The following SGCZ variants were observed in gnomAD, a reference collection of about 807,000 sequenced individuals.
The protein encoded by SGCZ is sarcoglycan zeta.
A neutral mutation model predicts 41.3 loss-of-function variants in SGCZ; 40 were observed. The observed-to-expected ratio is 0.97, with a 90% CI of 0.75 to 1.26. The LOEUF (loss-of-function observed/expected upper bound fraction) is 1.26, where lower values mean the gene tolerates loss of function less well. Among genes scored for constraint, SGCZ ranks in the 50% most tolerant of loss-of-function variants. The probability of loss-of-function intolerance (pLI) is 0.00; values close to 1 mark genes in which losing one functional copy is unlikely to be tolerated. For missense variants in SGCZ, 552 were observed against 369.8 expected (o/e 1.49, Z -4.04); for synonymous variants, 206 against 137.5 (o/e 1.50, Z -3.49).
At chr8:14,860,566 G>GA (rs1803696102) in intron 1 of SGCZ, among the ~76,000 whole-genome samples, 1 of 133,486 alleles carries the variant, frequency 7.5e-6, no homozygotes, top group Admixed American at 7.6e-5. Context: ...GGAAAGGAAA[G>GA]AAAGAAAAGA....
In SGCZ at chr8:14,576,391, G is replaced by C. The variant is rs183610334; in HGVS notation, c.40-21465C>G. Reference sequence around the variant, plus strand: ...TTTAGAATCAGTCCAGGAAGAAATGGGGGGACCCAGGTTCTGAATAACAAG... The same window carrying C: ...TTTAGAATCAGTCCAGGAAGAAATGCGGGGACCCAGGTTCTGAATAACAAG... On this transcript the variant is annotated intron_variant, in intron 1 of 7. Coordinates refer to ENST00000382080, the MANE Select transcript of SGCZ (RefSeq NM_139167.4). 1.8e-3 allele frequency among the ~76,000 whole-genome samples: 273 copies of C among 152,290 alleles called. 1 individual carries two copies. The highest frequency in any genetic ancestry group is 6.8e-3 in the East Asian group (35 of 5,180).
intron 1 of SGCZ, among the ~76,000 whole-genome samples, chr8:14,922,632 G>A (rs1205132785): frequency 6.6e-6 from 1 of 151,970 alleles, no homozygotes. Flanking sequence ...ACTTCACCTT[G>A]AGAATCATGA....
intron 4 of SGCZ, among the ~76,000 whole-genome samples, chr8:14,179,482 C>T (rs1318917866): frequency 6.6e-6 from 1 of 152,188 alleles, no homozygotes; most frequent in Non-Finnish European, 1.5e-5. Flanking sequence ...TCCCCACTGT[C>T]TGTCACAGTC....
intron 1 of SGCZ, among the ~76,000 whole-genome samples, chr8:14,737,089 A>G (rs1448866738): frequency 6.9e-6 from 1 of 144,356 alleles, no homozygotes. Context: ...TATATAAGAT[A>G]TATATCTATA....
chr8:14,566,311 G>A (rs1804357316), intron 1 of SGCZ, among the ~76,000 whole-genome samples: 2 of 152,208 alleles, frequency 1.3e-5, no homozygotes, highest in South Asian at 4.1e-4. Context: ...GACAGGAAAT[G>A]GGAAGGAGTA....
Position 14,448,076 on chromosome 8 carries a change from G to T in SGCZ, c.234+106656C>A, listed in dbSNP as rs893429751. Among the ~76,000 whole-genome samples, 28 of 152,232 alleles carry T rather than the reference G, an allele frequency of 1.8e-4. 1 individual carries two copies. The highest frequency in any genetic ancestry group is 6.5e-4 in the African/African-American group (27 of 41,548). On this transcript the variant is annotated intron_variant, in intron 2 of 7. Coordinates refer to ENST00000382080, the MANE Select transcript of SGCZ (RefSeq NM_139167.4). ...AAAATGTGTATTCTAAATGAAAATT[G>T]GAATTTTCATCGAAATAGTAGCAGT...
rs533282782 is a variant in SGCZ at position 14,695,707 on chromosome 8, A to C, written c.40-140781T>G. Among the ~76,000 whole-genome samples the C allele has an allele frequency of 4.6e-5, 7 of 152,126 alleles. No homozygotes were observed. In the East Asian group the frequency reaches 1.4e-3, roughly 29 times the overall value. ...TAAACATGCACACGCACACACACAC[A>C]CACACAAACCAACAATATACAGTTT... On this transcript the variant is annotated intron_variant, in intron 1 of 7. Transcript: ENST00000382080.
At chr8:14,618,502 G>T (rs1000597197) in intron 1 of SGCZ, among the ~76,000 whole-genome samples, 10 of 152,152 alleles carry the variant, frequency 6.6e-5, no homozygotes, top group Non-Finnish European at 1.0e-4. Context: ...CAGATTGATT[G>T]TGATGAAAAC....
intron 1 of SGCZ, among the ~76,000 whole-genome samples, chr8:15,153,355 C>T (rs990667078): frequency 1.3e-5 from 2 of 152,116 alleles, no homozygotes; most frequent in African/African-American, 4.8e-5. Context: ...GTGGAATGTG[C>T]ACCTCATATT....
chr8:14,087,367 G>A lies in SGCZ; in HGVS notation c.*3076C>T, dbSNP rs866150444. Among the ~76,000 whole-genome samples, 1 of 151,324 alleles carries A rather than the reference G, an allele frequency of 6.6e-6. No individual in the cohort carries two copies. The highest frequency in any genetic ancestry group is 1.5e-5 in the Non-Finnish European group (1 of 67,660). ...AAGAAAAGAATAATGTGTCCTCTTT[G>A]CATCTTTCCTTTTGTGATCCCCCAA... On this transcript the variant is annotated 3_prime_UTR_variant, in exon 8 of 8. Transcript: ENST00000382080.
intron 1 of SGCZ, among the ~76,000 whole-genome samples, chr8:15,167,372 A>G (rs756333671): frequency 2.6e-5 from 4 of 152,224 alleles, no homozygotes; most frequent in Admixed American, 6.5e-5. Context: ...GTCCCTGTAC[A>G]GGGTTCTTGA....
At chr8:14,848,502 T>A (rs370312764) in intron 1 of SGCZ, among the ~76,000 whole-genome samples, 20 of 152,278 alleles carry the variant, frequency 1.3e-4, no homozygotes, top group African/African-American at 4.8e-4. Flanking sequence ...GAGAAAATAA[T>A]AGACATATTG....
At chr8:14,425,663 T>G (rs1799761589) in intron 2 of SGCZ, among the ~76,000 whole-genome samples, 1 of 151,982 alleles carries the variant, frequency 6.6e-6, no homozygotes, top group Non-Finnish European at 1.5e-5. Context: ...AAGTACATCT[T>G]ACAAATGTAT....
At chr8:14,696,057 T>C (rs1808950892) in intron 1 of SGCZ, among the ~76,000 whole-genome samples, 1 of 152,120 alleles carries the variant, frequency 6.6e-6, no homozygotes, top group Non-Finnish European at 1.5e-5. Context: ...GGACAAATAT[T>C]GGTTTTGTAG....
intron 2 of SGCZ, among the ~76,000 whole-genome samples, chr8:14,518,894 C>CAAAAAAAAAA (rs370947291): frequency 7.8e-6 from 1 of 128,242 alleles, no homozygotes; most frequent in African/African-American, 3.0e-5. Context: ...CCATCTCTAC[C>CAAAAAAAAAA]AAAAAAAAAA....
At chr8:14,718,157 T>G (rs550908666) in intron 1 of SGCZ, among the ~76,000 whole-genome samples, 1 of 151,666 alleles carries the variant, frequency 6.6e-6, no homozygotes, top group Non-Finnish European at 1.5e-5. Context: ...CACATATGCA[T>G]GCACACACAC....
intron 3 of SGCZ, among the ~76,000 whole-genome samples, chr8:14,274,575 T>C (rs117755654): frequency 0.017 from 2,575 of 152,310 alleles, 40 homozygotes; most frequent in Non-Finnish European, 0.027. Flanking sequence ...CTTAGTTTCC[T>C]AACCATGTTA....
intron 1 of SGCZ, among the ~76,000 whole-genome samples, chr8:15,000,976 C>A (rs892581823): frequency 6.6e-6 from 1 of 152,186 alleles, no homozygotes; most frequent in East Asian, 1.9e-4. Flanking sequence ...CTCAAGACAA[C>A]ATAGCCACTT....
chr8:14,866,664 G>C (rs1312488875), intron 1 of SGCZ, among the ~76,000 whole-genome samples: 1 of 151,970 alleles, frequency 6.6e-6, no homozygotes, highest in African/African-American at 2.4e-5. Context: ...CAAAGAATGA[G>C]CTGGGCATGA....
Sources: allele counts gnomAD v4.1 joint callset (sites outside exome capture counted in the v4.1 genomes callset), GRCh38; gene constraint gnomAD v4.1.1; transcripts MANE v1.5; gene names NCBI Gene and HGNC (gene_info 2026-07-23, HGNC 2026-07-21).